The following SVBP variants were observed in gnomAD, a reference collection of about 807,000 sequenced individuals.
SVBP encodes small vasohibin-binding protein.
SVBP carries 9 observed loss-of-function variants against 9.2 expected under a neutral mutation model. The ratio of observed to expected loss-of-function variants is 0.98; its 90% CI spans 0.59 to 1.71. The LOEUF is 1.71. Ranked by LOEUF, SVBP falls within the 40% of genes most tolerant of loss-of-function variation. The probability of loss-of-function intolerance (pLI) is 0.00; values close to 1 mark genes in which losing one functional copy is unlikely to be tolerated. For synonymous variants in SVBP, 27 were observed against 23.9 expected (o/e 1.13, Z -0.37); for missense variants, 63 against 73.2 (o/e 0.86, Z 0.51).
rs775502616 is a variant in SVBP at position 42,810,871 on chromosome 1, G to A, written c.115-3371C>T. Among the ~76,000 whole-genome samples, 149 of 152,228 alleles carry A rather than the reference G, an allele frequency of 9.8e-4. No homozygotes were observed. The Middle Eastern group carries it at 0.01, about 10-fold the overall frequency. On this transcript the variant is annotated intron_variant, in intron 2 of 2. Coordinates refer to ENST00000372521, the MANE Select transcript of SVBP (RefSeq NM_199342.4). Reference sequence around the variant, plus strand: ...TAAAAACAAACAGGATAGGCGCGGCGGCTCACATATGTAATCCCAGCACTT... The same window carrying A: ...TAAAAACAAACAGGATAGGCGCGGCAGCTCACATATGTAATCCCAGCACTT...
chr1:42,810,125 T>TAC (rs60221264), intron 2 of SVBP, among the ~76,000 whole-genome samples: 3,434 of 140,976 alleles, frequency 0.024, 46 homozygotes, highest in African/African-American at 0.05. Context: ...CATACATACA[T>TAC]ACACACACAC....
At chr1:42,813,836 A>G (rs1323954472) in intron 2 of SVBP, 4 of 385,878 alleles carry the variant, frequency 1.0e-5, no homozygotes, top group African/African-American at 8.3e-5. Flanking sequence ...CAATGCAGTC[A>G]TATCATCTGA....
At chr1:42,812,808 T>A (rs1654108932) in intron 2 of SVBP, among the ~76,000 whole-genome samples, 2 of 152,236 alleles carry the variant, frequency 1.3e-5, no homozygotes, top group South Asian at 4.1e-4. Flanking sequence ...TGTACAAGTT[T>A]GTATTTATAA....
In SVBP at chr1:42,807,370, C is replaced by A. The variant is rs183740616; in HGVS notation, c.*44G>T. 1 of 1,450,370 alleles carries A rather than the reference C, an allele frequency of 6.9e-7. No individual in the cohort carries two copies. The highest frequency in any genetic ancestry group is 9.7e-7 in the Non-Finnish European group (1 of 1,032,178). 89.8% of individuals were successfully genotyped at this position (1,450,370 alleles called of 1,614,324 possible). A position where few individuals can be genotyped will look rare whatever the true frequency, so the allele number is the denominator to read the frequency against. On this transcript the variant is annotated 3_prime_UTR_variant, in exon 3 of 3. Transcript: ENST00000372521. ...CATCTCAGCTTAAAACTGGCAACACCCTCTCAAAGCTCTCAGGATCCCATC... is the reference window on the plus strand; with the variant it reads ...CATCTCAGCTTAAAACTGGCAACACACTCTCAAAGCTCTCAGGATCCCATC...
At chr1:42,810,095 AACACACACAC>A in intron 2 of SVBP, among the ~76,000 whole-genome samples, 1 of 143,912 alleles carries the variant, frequency 6.9e-6, no homozygotes, top group East Asian at 2.0e-4. Context: ...ATATACTTTT[AACACACACAC>A]ACACACACAC....
Position 42,816,398 on chromosome 1 carries a change from T to G in SVBP, c.114+33A>C, listed in dbSNP as rs759175572. 2.8e-6 allele frequency: 4 copies of G among 1,411,766 alleles called. No individual in the cohort carries two copies. The East Asian group carries it at 9.1e-5, about 32-fold the overall frequency. 87.5% of individuals were successfully genotyped at this position (1,411,766 alleles called of 1,614,324 possible). A position where few individuals can be genotyped will look rare whatever the true frequency, so the allele number is the denominator to read the frequency against. The stretch of plus-strand genomic sequence containing the variant: ...TATTCCAGCATCATCTCCAGCAGAC[T>G]ACAGGCATACAGAGCCTCCGCCTTA... On this transcript the variant is annotated intron_variant, in intron 2 of 2. Transcript: ENST00000372521.
At chr1:42,808,134 AGTGTGTGTGTGT>A (rs149608245) in intron 2 of SVBP, among the ~76,000 whole-genome samples, 30,690 of 108,930 alleles carry the variant, frequency 0.28, 4,825 homozygotes, top group Non-Finnish European at 0.32. Flanking sequence ...ATGTGAATAT[AGTGTGTGTGTGT>A]GTGTATATAT....
At chr1:42,812,521 A>G (rs1358368386) in intron 2 of SVBP, among the ~76,000 whole-genome samples, 1 of 152,248 alleles carries the variant, frequency 6.6e-6, no homozygotes, top group Non-Finnish European at 1.5e-5. Context: ...TGGGGACAGT[A>G]GCAACACACA....
rs1162705959 is a variant in SVBP at position 42,807,158 on chromosome 1, T to G, written c.*256A>C. The G allele has an allele frequency of 6.9e-6, 2 of 288,072 alleles. No homozygotes were observed. Among genetic ancestry groups the G allele is most frequent in the East Asian group, 5.5e-5 (1 of 18,244 alleles). 17.8% of individuals were successfully genotyped at this position (288,072 alleles called of 1,614,324 possible). A position where few individuals can be genotyped will look rare whatever the true frequency, so the allele number is the denominator to read the frequency against. ...AAAAAGTGTTTTTTGTGTGTGTTTT[T>G]TTTTTTTTTTTAAAAAAACCCAAAA... On this transcript the variant is annotated 3_prime_UTR_variant, in exon 3 of 3. Transcript: ENST00000372521.
rs1220555019 is a variant in SVBP, at chr1:42,817,356, G to A, written c.-203C>T. The A allele has an allele frequency of 4.0e-6, 3 of 746,450 alleles. No homozygotes were observed. Among genetic ancestry groups the A allele is most frequent in the Non-Finnish European group, 5.1e-6 (3 of 586,528 alleles). The allele number at this position is 746,450 out of a possible 1,614,324, so 46.2% of individuals were successfully genotyped here. A position where few individuals can be genotyped will look rare whatever the true frequency, so the allele number is the denominator to read the frequency against. ...CGGGGGGAGGGGCGCAGGGCCGAGCGCCAGGAGGCTTCCGCCCGCAGGAGC... is the reference window on the plus strand; with the variant it reads ...CGGGGGGAGGGGCGCAGGGCCGAGCACCAGGAGGCTTCCGCCCGCAGGAGC... On this transcript the variant is annotated 5_prime_UTR_variant, in exon 1 of 3. Transcript: ENST00000372521.
At chr1:42,810,367 T>C (rs1022241439) in intron 2 of SVBP, among the ~76,000 whole-genome samples, 14 of 152,176 alleles carry the variant, frequency 9.2e-5, no homozygotes, top group South Asian at 4.1e-4. Context: ...AGGATGGTCT[T>C]GATCTCCTGA....
chr1:42,811,594 T>G (rs924654966), intron 2 of SVBP, among the ~76,000 whole-genome samples: 25 of 152,200 alleles, frequency 1.6e-4, no homozygotes, highest in Admixed American at 1.3e-3. Flanking sequence ...TTCCTGATCA[T>G]AATCACTGCT....
Position 42,817,205 on chromosome 1 carries a change from C to T in SVBP, c.-52G>A. On this transcript the variant is annotated 5_prime_UTR_variant, in exon 1 of 3. Transcript: ENST00000372521. ...GAGTCTGTACCTTTCCCGACCGGGC[C>T]ACTGGAAGTTGGAGCCTCCGCCGAG... 3.2e-6 allele frequency: 4 copies of T among 1,256,298 alleles called. No individual in the cohort carries two copies. The highest frequency in any genetic ancestry group is 4.1e-6 in the Non-Finnish European group (4 of 974,138). The allele number at this position is 1,256,298 out of a possible 1,614,324, so 77.8% of individuals were successfully genotyped here.
intron 2 of SVBP, among the ~76,000 whole-genome samples, chr1:42,810,043 G>T (rs1453604413): frequency 6.6e-6 from 1 of 151,588 alleles, no homozygotes; most frequent in East Asian, 1.9e-4. Context: ...ACGTTCTATA[G>T]TTGGGTGTTT....
intron 2 of SVBP, 128 bp from the exon 3 acceptor site, chr1:42,807,628 T>C (rs936670348): frequency 1.5e-6 from 1 of 673,008 alleles, no homozygotes; most frequent in Non-Finnish European, 2.6e-6. Flanking sequence ...GGGACAGTGC[T>C]CTGGGAATAG....
rs1389104531 is a variant in SVBP, at chr1:42,817,321, G to C, written c.-168C>G. On this transcript the variant is annotated 5_prime_UTR_variant, in exon 1 of 3. Coordinates refer to ENST00000372521, the MANE Select transcript of SVBP (RefSeq NM_199342.4). ...GCCCACCGCCCCTCGTCCTGGGCGG[G>C]GCCGCGCGCCGGGGGGAGGGGCGCA... is the stretch of plus-strand genomic sequence containing the variant. 2 of 1,125,916 alleles carry C rather than the reference G, an allele frequency of 1.8e-6. No individual in the cohort carries two copies. The highest frequency in any genetic ancestry group is 2.3e-6 in the Non-Finnish European group (2 of 876,530). 69.7% of individuals were successfully genotyped at this position (1,125,916 alleles called of 1,614,324 possible).
intron 2 of SVBP, among the ~76,000 whole-genome samples, chr1:42,808,249 CTATA>C (rs1654009357): frequency 7.3e-6 from 1 of 136,190 alleles, no homozygotes; most frequent in Non-Finnish European, 1.6e-5. Context: ...AATATATAAG[CTATA>C]TATACTATAG....
At chr1:42,816,319 T>C (rs748155128) in intron 2 of SVBP, 112 bp downstream of exon 2, 7 of 773,526 alleles carry the variant, frequency 9.0e-6, no homozygotes, top group Non-Finnish European at 1.5e-5. Flanking sequence ...AGAACACCCA[T>C]CCTGCCTGGA....
chr1:42,812,371 A>ACAGT (rs1178099526), intron 2 of SVBP, among the ~76,000 whole-genome samples: 1 of 152,262 alleles, frequency 6.6e-6, no homozygotes, highest in Non-Finnish European at 1.5e-5. Context: ...GCGGCCAAAC[A>ACAGT]CAGTCAACAC....
Sources: gnomAD v4.1 joint callset for allele counts (sites outside exome capture counted in the v4.1 genomes callset) on GRCh38, gnomAD v4.1.1 for gene constraint, MANE v1.5 for transcripts, NCBI Gene and HGNC (gene_info 2026-07-23, HGNC 2026-07-21) for gene names.